The following METTL15 variants were observed in gnomAD, a reference collection of about 807,000 sequenced individuals.
The protein encoded by METTL15 is 12S rRNA N(4)-cytidine methyltransferase METTL15.
METTL15 carries 34 observed loss-of-function variants against 38.3 expected under a neutral mutation model. That is an observed-to-expected ratio of 0.89 (90% CI 0.68 to 1.18). The LOEUF is 1.18. Ranked by LOEUF, METTL15 falls within the 50% of genes most tolerant of loss-of-function variation. The pLI is 0.00. For missense variants in METTL15, 438 were observed against 498.4 expected (o/e 0.88, Z 1.15); for synonymous variants, 162 against 170.9 (o/e 0.95, Z 0.41).
intron 4 of METTL15, among the ~76,000 whole-genome samples, chr11:28,247,532 T>C (rs901277641): frequency 6.6e-6 from 1 of 152,156 alleles, no homozygotes; most frequent in Non-Finnish European, 1.5e-5. Context: ...TACTTTAATG[T>C]CATAAATGTC....
At chr11:28,125,922 A>T (rs1278364601) in intron 3 of METTL15, 1 of 152,112 alleles carries the variant, frequency 6.6e-6, no homozygotes, top group Non-Finnish European at 1.5e-5. Context: ...TGGAATTCTA[A>T]GTGACTTAAT....
chr11:28,221,039 T>C (rs1286551375), intron 4 of METTL15, among the ~76,000 whole-genome samples: 1 of 152,178 alleles, frequency 6.6e-6, no homozygotes. Flanking sequence ...GTTATGTGTC[T>C]TGGAGTTGCT....
chr11:28,401,195 A>T (rs1334560800), intron 5 of METTL15, among the ~76,000 whole-genome samples: 1 of 152,008 alleles, frequency 6.6e-6, no homozygotes. Context: ...ATTTAATAAA[A>T]TGCCTAAGTT....
intron 3 of METTL15, among the ~76,000 whole-genome samples, chr11:28,184,369 T>A (rs1294347062): frequency 2.0e-5 from 3 of 152,060 alleles, no homozygotes; most frequent in Non-Finnish European, 4.4e-5. Context: ...CAATTTTAGA[T>A]CATTCCTGCT....
chr11:28,170,162 A>G (rs1388039685), intron 3 of METTL15, among the ~76,000 whole-genome samples: 27 of 152,134 alleles, frequency 1.8e-4, no homozygotes, highest in Non-Finnish European at 1.5e-5. Context: ...GAAGATAGCA[A>G]TAGGTTGCTC....
chr11:28,217,012 C>T (rs967137972), intron 4 of METTL15, among the ~76,000 whole-genome samples: 1 of 151,932 alleles, frequency 6.6e-6, no homozygotes, highest in South Asian at 2.1e-4. Context: ...AATAGTGCCA[C>T]AATAAACATA....
intron 6 of METTL15, among the ~76,000 whole-genome samples, chr11:28,438,542 C>T (rs1412465018): frequency 6.6e-6 from 1 of 152,178 alleles, no homozygotes; most frequent in Admixed American, 6.5e-5. Flanking sequence ...CACTTCTCAC[C>T]CTCTGAACAT....
Position 28,392,601 on chromosome 11 carries a change from G to C in METTL15, c.*358+30565G>C, listed in dbSNP as rs530534003. Among the ~76,000 whole-genome samples, 23 of 152,132 alleles carry C rather than the reference G, an allele frequency of 1.5e-4. 1 individual carries two copies. Among genetic ancestry groups the C allele is most frequent in the South Asian group, 4.1e-4 (2 of 4,826 alleles). ...GCTTCATGATATTGGATTTTGCAGT[G>C]ATTTATTGGATATAATAACAAAAGT... On this transcript the variant is annotated intron_variant and NMD_transcript_variant, in intron 5 of 7. Coordinates refer to the METTL15 transcript ENST00000532947.
At chr11:28,491,018 A>G (rs568391522) in intron 6 of METTL15, among the ~76,000 whole-genome samples, 53 of 152,306 alleles carry the variant, frequency 3.5e-4, no homozygotes, top group Non-Finnish European at 6.0e-4. Flanking sequence ...TTATTGCTCA[A>G]TATTATCTTT....
intron 3 of METTL15, chr11:28,125,408 T>C (rs1182519367): frequency 6.6e-6 from 1 of 152,008 alleles, no homozygotes; most frequent in African/African-American, 2.4e-5. Flanking sequence ...GACACTATTC[T>C]GGTTTGATTG....
chr11:28,512,784 T>C (rs1300586249), intron 6 of METTL15, among the ~76,000 whole-genome samples: 1 of 152,214 alleles, frequency 6.6e-6, no homozygotes, highest in Non-Finnish European at 1.5e-5. Context: ...GCTCCCACAG[T>C]GCAGTGGTGG....
chr11:28,130,294 G>C (rs1852704718), intron 3 of METTL15, among the ~76,000 whole-genome samples: 1 of 152,140 alleles, frequency 6.6e-6, no homozygotes, highest in Admixed American at 6.5e-5. Context: ...CTGGGTGACA[G>C]AGTGAGACCT....
rs141118662 is a variant in METTL15, at chr11:28,311,889, C to T, written c.778+14958C>T. Among the ~76,000 whole-genome samples the T allele has an allele frequency of 3.3e-5, 5 of 152,298 alleles. No homozygotes were observed. In the East Asian group the frequency reaches 7.7e-4, roughly 24 times the overall value. ...CATCAGAAAAGACAGACTTCCTATACCAGTAGCAGCTACATTGCTCTTTGA... is the reference window on the plus strand; with the variant it reads ...CATCAGAAAAGACAGACTTCCTATATCAGTAGCAGCTACATTGCTCTTTGA... On this transcript the variant is annotated intron_variant, in intron 6 of 6. Transcript: ENST00000407364.
At chr11:28,240,759 A>G (rs1187557180) in intron 4 of METTL15, among the ~76,000 whole-genome samples, 2 of 152,284 alleles carry the variant, frequency 1.3e-5, no homozygotes, top group South Asian at 2.1e-4. Context: ...TTCTTATCAG[A>G]TGTTAAGAAA....
intron 4 of METTL15, among the ~76,000 whole-genome samples, chr11:28,289,498 A>G (rs1185262464): frequency 2.0e-5 from 3 of 152,128 alleles, no homozygotes; most frequent in Non-Finnish European, 4.4e-5. Flanking sequence ...TCCAAAATGC[A>G]TGCTAGTTGC....
intron 3 of METTL15, among the ~76,000 whole-genome samples, chr11:28,185,067 T>A (rs930142949): frequency 6.6e-6 from 1 of 151,556 alleles, no homozygotes; most frequent in Non-Finnish European, 1.5e-5. Flanking sequence ...AATTATAAGG[T>A]TACTGTTTTA....
chr11:28,265,617 C>T (rs1277850750), intron 4 of METTL15, among the ~76,000 whole-genome samples: 1 of 151,798 alleles, frequency 6.6e-6, no homozygotes, highest in Non-Finnish European at 1.5e-5. Flanking sequence ...GCATTTCTTC[C>T]TCAGTATTAA....
chr11:28,163,289 A>T (rs750385006), intron 3 of METTL15: 11 of 397,322 alleles, frequency 2.8e-5, no homozygotes, highest in Non-Finnish European at 4.4e-5. Flanking sequence ...AAGAAAAAAA[A>T]GTATGGCATA....
chr11:28,270,216 T>C (rs1855587805), intron 4 of METTL15, among the ~76,000 whole-genome samples: 1 of 152,202 alleles, frequency 6.6e-6, no homozygotes. Flanking sequence ...ATTTCCCGTG[T>C]TGGCATTTTT....
Sources: gnomAD v4.1 joint callset for allele counts (sites outside exome capture counted in the v4.1 genomes callset) on GRCh38, gnomAD v4.1.1 for gene constraint, MANE v1.5 for transcripts, NCBI Gene and HGNC (gene_info 2026-07-23, HGNC 2026-07-21) for gene names.